Variants in TWIST2 observed in about 807,000 individuals in gnomAD.
TWIST2 encodes twist family bHLH transcription factor 2, also known as twist-related protein 2.
A neutral mutation model predicts 11.6 loss-of-function variants in TWIST2; 1 was observed. That is an observed-to-expected ratio of 0.09 (90% CI 0.03 to 0.41). TWIST2 has a LOEUF of 0.41. Ranked by LOEUF, TWIST2 falls within the 10% of genes least tolerant of loss-of-function variation. The pLI, the probability that TWIST2 is intolerant of heterozygous loss-of-function variation, is 0.98. For synonymous variants in TWIST2, 87 were observed against 96.6 expected (o/e 0.90, Z 0.58); for missense variants, 168 against 226.4 (o/e 0.74, Z 1.66).
chr2:238,882,350 A>C (rs1017949986), intron 1 of TWIST2, among the ~76,000 whole-genome samples: 1 of 152,116 alleles, frequency 6.6e-6, no homozygotes, highest in African/African-American at 2.4e-5. Context: ...CTGGACCCAA[A>C]ACCTCTGAGA....
intron 1 of TWIST2, among the ~76,000 whole-genome samples, chr2:238,899,868 G>GT: frequency 6.6e-6 from 1 of 152,124 alleles, no homozygotes; most frequent in Admixed American, 6.5e-5. Context: ...AGGATGCTGG[G>GT]TATGGGTGGG....
At position 238,908,523 on chromosome 2, in the gene TWIST2, C is replaced by T. The variant is rs1046703495; in HGVS notation, c.*36-1319C>T. On this transcript the variant is annotated intron_variant, in intron 1 of 1. Coordinates refer to ENST00000612363, the MANE Select transcript of TWIST2 (RefSeq NM_001271893.4). ...ATACCCCACACCACACACACCCACA[C>T]GAGTGACATGTGAATAAGCTCTTGG... Among the ~76,000 whole-genome samples the T allele has an allele frequency of 2.0e-5, 3 of 152,206 alleles. No homozygotes were observed. In the South Asian group the frequency reaches 6.2e-4, roughly 31 times the overall value.
intron 1 of TWIST2, among the ~76,000 whole-genome samples, chr2:238,894,110 G>C (rs1262949481): frequency 6.6e-6 from 1 of 152,200 alleles, no homozygotes; most frequent in Non-Finnish European, 1.5e-5. Flanking sequence ...TCCTAGCAAA[G>C]CAAGCATCTC....
intron 1 of TWIST2, among the ~76,000 whole-genome samples, chr2:238,898,030 G>A (rs1693225114): frequency 6.6e-6 from 1 of 152,208 alleles, no homozygotes; most frequent in Admixed American, 6.5e-5. Context: ...TGAGTGTCTG[G>A]CCTGCCCCCA....
At chr2:238,873,087 G>T (rs1692737761) in intron 1 of TWIST2, among the ~76,000 whole-genome samples, 1 of 152,226 alleles carries the variant, frequency 6.6e-6, no homozygotes, top group African/African-American at 2.4e-5. Flanking sequence ...TGTAGCTGTT[G>T]TACAACAATG....
At chr2:238,883,550 C>T (rs1038465924) in intron 1 of TWIST2, among the ~76,000 whole-genome samples, 1 of 152,176 alleles carries the variant, frequency 6.6e-6, no homozygotes, top group African/African-American at 2.4e-5. Context: ...CAAGCCCAGC[C>T]TTATCACTCC....
intron 1 of TWIST2, among the ~76,000 whole-genome samples, chr2:238,855,654 T>C (rs1692317030): frequency 6.6e-6 from 1 of 152,212 alleles, no homozygotes. Context: ...AACAGCATCT[T>C]TTAAAAACAT....
intron 1 of TWIST2, among the ~76,000 whole-genome samples, chr2:238,903,348 T>A (rs1255319816): frequency 7.0e-6 from 1 of 141,956 alleles, no homozygotes; most frequent in African/African-American, 2.7e-5. Context: ...TTTGAGGTAG[T>A]GTGTGTGTAA....
At chr2:238,883,417 G>A (rs1338077479) in intron 1 of TWIST2, among the ~76,000 whole-genome samples, 4 of 152,316 alleles carry the variant, frequency 2.6e-5, no homozygotes, top group South Asian at 2.1e-4. Flanking sequence ...GTAGCTGGTC[G>A]TCTCTGAGGA....
chr2:238,902,018 A>G (rs1323478226), intron 1 of TWIST2, among the ~76,000 whole-genome samples: 1 of 152,120 alleles, frequency 6.6e-6, no homozygotes, highest in Admixed American at 6.5e-5. Context: ...GGCTGAGGAA[A>G]GGCAGGGAAA....
chr2:238,849,800 C>T (rs1692212448), intron 1 of TWIST2, among the ~76,000 whole-genome samples: 1 of 152,236 alleles, frequency 6.6e-6, no homozygotes, highest in Non-Finnish European at 1.5e-5. Context: ...ACGGAGGCGC[C>T]GTCCTTAGGC....
intron 1 of TWIST2, among the ~76,000 whole-genome samples, chr2:238,888,599 A>G (rs1390960525): frequency 6.6e-6 from 1 of 152,252 alleles, no homozygotes; most frequent in African/African-American, 2.4e-5. Context: ...AGTGGTAATT[A>G]CATGCATTAA....
chr2:238,883,582 A>G (rs1306189880), intron 1 of TWIST2, among the ~76,000 whole-genome samples: 1 of 152,206 alleles, frequency 6.6e-6, no homozygotes, highest in Admixed American at 6.5e-5. Context: ...CTCCAATAGA[A>G]GGAGAAGGAT....
Position 238,848,336 on chromosome 2 carries a change from G to C in TWIST2, c.121G>C (p.Glu41Gln), listed in dbSNP as rs1692170055. ...RKRRYSKKSSEDGSPTPGKRG... is the reference protein window; with the variant it reads ...RKRRYSKKSSQDGSPTPGKRG... ...GCGGCGCTACAGCAAGAAGTCGAGCGAAGATGGCAGCCCGACCCCGGGCAA... is the reference window on the plus strand; with the variant it reads ...GCGGCGCTACAGCAAGAAGTCGAGCCAAGATGGCAGCCCGACCCCGGGCAA... The change falls in exon 1 of 2, where the codon GAA becomes CAA. Residue 41 changes from glutamate to glutamine, a missense_variant. Around this residue, in one of 3 missense-constraint regions of TWIST2, gnomAD observed 83 missense variants for 92.7 expected, o/e 0.90. Coordinates refer to ENST00000612363, the MANE Select transcript of TWIST2 (RefSeq NM_001271893.4). The C allele has an allele frequency of 6.5e-7, 1 of 1,534,694 alleles. No homozygotes were observed.
intron 1 of TWIST2, among the ~76,000 whole-genome samples, chr2:238,885,523 G>T (rs549002668): frequency 1.3e-5 from 2 of 152,298 alleles, no homozygotes; most frequent in South Asian, 4.1e-4. Context: ...TCTGGTCCTA[G>T]ACACTGCACC....
chr2:238,880,666 TTA>T (rs1248312487), intron 1 of TWIST2, among the ~76,000 whole-genome samples: 1 of 92,534 alleles, frequency 1.1e-5, no homozygotes, highest in Non-Finnish European at 2.1e-5. Flanking sequence ...AGTATTAGTA[TTA>T]GTGTTAGTGT....
At chr2:238,880,079 T>C (rs578092423) in intron 1 of TWIST2, among the ~76,000 whole-genome samples, 133 of 152,300 alleles carry the variant, frequency 8.7e-4, no homozygotes, top group African/African-American at 3.0e-3. Flanking sequence ...GTGTTGGTGT[T>C]AGTTTTGATA....
At chr2:238,850,912 G>A (rs181793262) in intron 1 of TWIST2, among the ~76,000 whole-genome samples, 59 of 152,248 alleles carry the variant, frequency 3.9e-4, no homozygotes, top group African/African-American at 1.4e-3. Flanking sequence ...GAATGATTCT[G>A]GACACACCTT....
At position 238,866,459 on chromosome 2, in the gene TWIST2, C is replaced by A. The variant is rs1415030562; in HGVS notation, c.*35+17726C>A. The stretch of plus-strand genomic sequence containing the variant: ...AGATCACGAGGTCAGGAATTCGAGA[C>A]CAGCCTGGCCAACATGGTGAAACCC... On this transcript the variant is annotated intron_variant, in intron 1 of 1. Coordinates refer to ENST00000612363, the MANE Select transcript of TWIST2 (RefSeq NM_001271893.4). This position sits in a 1 kb window ranked among gnomAD's most constrained non-coding sequence, Gnocchi z 4.9. 2.0e-5 allele frequency among the ~76,000 whole-genome samples: 3 copies of A among 152,174 alleles called. No homozygotes were observed. The highest frequency in any genetic ancestry group is 4.4e-5 in the Non-Finnish European group (3 of 68,036).
Sources: allele counts gnomAD v4.1 joint callset (sites outside exome capture counted in the v4.1 genomes callset), GRCh38; gene constraint gnomAD v4.1.1; regional missense constraint gnomAD v4.1.1; non-coding constraint Gnocchi (gnomAD v3.1); transcripts MANE v1.5; gene names NCBI Gene and HGNC (gene_info 2026-07-23, HGNC 2026-07-21).